Variants in SMARCAL1 observed in about 807,000 individuals in gnomAD.
SMARCAL1 encodes the protein SNF2 related chromatin remodeling annealing helicase 1.
SMARCAL1 carries 58 observed loss-of-function variants against 94.5 expected under a neutral mutation model. The observed-to-expected ratio is 0.61, with a 90% CI of 0.50 to 0.76. SMARCAL1 has a LOEUF of 0.76. SMARCAL1 is among the 30% of genes least tolerant of loss of function. The pLI is 0.00. For synonymous variants in SMARCAL1, 422 were observed against 455.1 expected, an observed-to-expected ratio of 0.93 and a Z score of 0.93; for missense variants, 1,051 against 1,177.9, an observed-to-expected ratio of 0.89 and a Z score of 1.58.
chr2:216,416,108 C>A, intron 3 of SMARCAL1, 149 bp from the exon 4 acceptor site: 1 of 723,454 alleles, frequency 1.4e-6, no homozygotes. Context: ...TACTATTTGT[C>A]CTCTACAGAG....
chr2:216,429,483 A>G (rs751823738), intron 7 of SMARCAL1, among the ~76,000 whole-genome samples: 2 of 152,228 alleles, frequency 1.3e-5, no homozygotes, highest in Admixed American at 6.5e-5. Context: ...CTTTTTTTCC[A>G]GAGTTTCTTG....
intron 12 of SMARCAL1, among the ~76,000 whole-genome samples, chr2:216,453,646 A>C (rs137920678): frequency 1.3e-5 from 2 of 151,924 alleles, no homozygotes; most frequent in Non-Finnish European, 1.5e-5. Flanking sequence ...ATGGGGACTT[A>C]TTTTTTTTAT....
intron 15 of SMARCAL1, among the ~76,000 whole-genome samples, chr2:216,476,313 G>GTT (rs34418359): frequency 1.5e-4 from 22 of 149,244 alleles, no homozygotes; most frequent in Admixed American, 2.0e-4. Flanking sequence ...ATGTTAGGTG[G>GTT]TTTTTTTTTT....
At chr2:216,435,881 A>G (rs983270873) in intron 9 of SMARCAL1, among the ~76,000 whole-genome samples, 2 of 152,088 alleles carry the variant, frequency 1.3e-5, no homozygotes, top group Non-Finnish European at 2.9e-5. Context: ...CATCTTACTC[A>G]AACAATTGAG....
chr2:216,440,381 T>C (rs75188945), intron 10 of SMARCAL1, among the ~76,000 whole-genome samples: 1,675 of 152,322 alleles, frequency 0.011, 48 homozygotes, highest in African/African-American at 0.038. Context: ...CTGAGCCAGA[T>C]AGTGGTTTCT....
intron 11 of SMARCAL1, among the ~76,000 whole-genome samples, chr2:216,448,831 CAA>C (rs576486924): frequency 1.7e-5 from 2 of 117,688 alleles, no homozygotes; most frequent in Admixed American, 8.8e-5. Context: ...GACTCTGTCT[CAA>C]AAAAAAAAAA....
chr2:216,429,473 CT>C (rs1433844207), intron 7 of SMARCAL1, among the ~76,000 whole-genome samples: 1 of 152,180 alleles, frequency 6.6e-6, no homozygotes, highest in African/African-American at 2.4e-5. Flanking sequence ...CTGATCTTTC[CT>C]TTTTTTCCAG....
chr2:216,468,397 C>A (rs2106077695), intron 14 of SMARCAL1, among the ~76,000 whole-genome samples: 1 of 152,260 alleles, frequency 6.6e-6, no homozygotes, highest in South Asian at 2.1e-4. Context: ...GAATGTTTTC[C>A]TCTTTTCCTT....
chr2:216,460,005 C>A (rs1411470497), intron 12 of SMARCAL1, among the ~76,000 whole-genome samples: 2 of 152,152 alleles, frequency 1.3e-5, no homozygotes, highest in African/African-American at 2.4e-5. Flanking sequence ...AACGAACAAC[C>A]CCATCAACAA....
At chr2:216,448,298 A>G (rs1296411576) in intron 11 of SMARCAL1, among the ~76,000 whole-genome samples, 4 of 152,192 alleles carry the variant, frequency 2.6e-5, no homozygotes, top group African/African-American at 9.7e-5. Context: ...CTCTTCATGT[A>G]TGATTTGGAT....
intron 12 of SMARCAL1, among the ~76,000 whole-genome samples, chr2:216,459,968 A>T (rs898302074): frequency 1.3e-5 from 2 of 152,186 alleles, no homozygotes; most frequent in Non-Finnish European, 2.9e-5. Flanking sequence ...GAATCTACAA[A>T]GAACTCAAAC....
At chr2:216,453,503 G>A (rs1694494119) in intron 12 of SMARCAL1, among the ~76,000 whole-genome samples, 1 of 152,170 alleles carries the variant, frequency 6.6e-6, no homozygotes, top group Non-Finnish European at 1.5e-5. Context: ...TCTAAACCAT[G>A]GATCTGATCA....
intron 14 of SMARCAL1, among the ~76,000 whole-genome samples, chr2:216,472,347 C>T (rs961253964): frequency 1.3e-5 from 2 of 151,968 alleles, no homozygotes; most frequent in Admixed American, 1.3e-4. Context: ...AGACAAGACT[C>T]TATCTCAAAA....
At chr2:216,473,188 T>C (rs1400965019) in intron 14 of SMARCAL1, among the ~76,000 whole-genome samples, 2 of 152,052 alleles carry the variant, frequency 1.3e-5, no homozygotes, top group Non-Finnish European at 1.5e-5. Context: ...AAGCAACCTC[T>C]GGTCTACGGT....
At chr2:216,413,562 T>C (rs1237838893) in intron 1 of SMARCAL1, among the ~76,000 whole-genome samples, 3 of 152,260 alleles carry the variant, frequency 2.0e-5, no homozygotes, top group Non-Finnish European at 4.4e-5. Flanking sequence ...ACTGTGGTTA[T>C]TGATGGCTGG....
chr2:216,477,913 C>T (rs1192882465), intron 16 of SMARCAL1, among the ~76,000 whole-genome samples: 1 of 152,126 alleles, frequency 6.6e-6, no homozygotes, highest in East Asian at 1.9e-4. Flanking sequence ...TTGGGCAGCT[C>T]ATAATACCAC....
At chr2:216,443,415 A>G (rs1288059086) in intron 10 of SMARCAL1, among the ~76,000 whole-genome samples, 1 of 150,616 alleles carries the variant, frequency 6.6e-6, no homozygotes, top group Non-Finnish European at 1.5e-5. Context: ...TTAATCAGCT[A>G]TAATTATACC....
intron 15 of SMARCAL1, 49 bp from the exon 16 acceptor site, chr2:216,477,060 G>A (rs946870528): frequency 4.8e-6 from 7 of 1,447,558 alleles, no homozygotes; most frequent in African/African-American, 4.2e-5. Flanking sequence ...TATGGTGGAT[G>A]GAACTGCTTC....
At position 216,428,637 on chromosome 2, in the gene SMARCAL1, C is replaced by T. The variant is rs773676455; in HGVS notation, c.1189C>T (p.Leu397=). ...CCTCCCACAAGTTCAGCTGGACCCT[C>T]TGCCCACGACTCTCACCCTGGCGTT... is the stretch of plus-strand genomic sequence containing the variant. ...RCLPQVQLDP[L]PTTLTLAFAS... is the part of the protein sequence containing the mutation. The change falls in exon 7 of 18, where the codon CTG becomes TTG. Residue 397 remains leucine (L), a synonymous_variant. Coordinates refer to ENST00000357276, the MANE Select transcript of SMARCAL1 (RefSeq NM_014140.4). The T allele has an allele frequency of 6.8e-6, 11 of 1,614,186 alleles. No homozygotes were observed. The Admixed American group carries it at 1.5e-4, about 22-fold the overall frequency.
Sources: gnomAD v4.1 joint callset for allele counts (sites outside exome capture counted in the v4.1 genomes callset) on GRCh38, gnomAD v4.1.1 for gene constraint, MANE v1.5 for transcripts, NCBI Gene and HGNC (gene_info 2026-07-23, HGNC 2026-07-21) for gene names.